The following EIF3A variants were observed in gnomAD, a reference collection of about 807,000 sequenced individuals.
EIF3A encodes the protein eukaryotic translation initiation factor 3 subunit A, also known as EIF3, p180 subunit.
EIF3A carries 21 observed loss-of-function variants against 186.6 expected under a neutral mutation model. The ratio of observed to expected loss-of-function variants is 0.11; its 90% CI spans 0.08 to 0.16. The LOEUF (loss-of-function observed/expected upper bound fraction) is 0.16, where lower values mean the gene tolerates loss of function less well. Among genes scored for constraint, EIF3A ranks in the 10% least tolerant of loss-of-function variants. The probability of loss-of-function intolerance (pLI) is 1.00; values close to 1 mark genes in which losing one functional copy is unlikely to be tolerated. For synonymous variants in EIF3A, 563 were observed against 584.3 expected (o/e 0.96, Z 0.52); for missense variants, 1,306 against 1,796.3 (o/e 0.73, Z 4.93).
intron 7 of EIF3A, 110 bp from the exon 8 acceptor site, chr10:119,061,438 C>CA (rs1843886735): frequency 1.9e-6 from 1 of 513,006 alleles, no homozygotes; most frequent in African/African-American, 2.0e-5. Context: ...TTTAAAAAAT[C>CA]ATCAAGCCTC....
intron 6 of EIF3A, among the ~76,000 whole-genome samples, chr10:119,068,280 T>G (rs1844012184): frequency 6.6e-6 from 1 of 152,230 alleles, no homozygotes; most frequent in Admixed American, 6.5e-5. Flanking sequence ...TGTTGGGTTA[T>G]AGACCCTTCC....
At chr10:119,052,282 A>G (rs925258641) in intron 14 of EIF3A, among the ~76,000 whole-genome samples, 4 of 152,154 alleles carry the variant, frequency 2.6e-5, no homozygotes, top group South Asian at 2.1e-4. Flanking sequence ...TTGCTCATCC[A>G]TAAGAAGCAA....
In EIF3A at chr10:119,073,711, A is replaced by G. The variant is rs188393429; in HGVS notation, c.240+36T>C. ...AGTTCTTCGGCAGATTACTAAAAAC[A>G]CTTGTTAAAAATATACAACCCAGTT... On this transcript the variant is annotated intron_variant, in intron 2 of 21. Coordinates refer to ENST00000369144, the MANE Select transcript of EIF3A (RefSeq NM_003750.4). The G allele has an allele frequency of 1.8e-5, 29 of 1,568,062 alleles. No individual in the cohort carries two copies. In the Admixed American group the frequency reaches 4.5e-4, roughly 25 times the overall value.
At chr10:119,067,003 A>C (rs1399489870) in intron 6 of EIF3A, among the ~76,000 whole-genome samples, 1 of 152,038 alleles carries the variant, frequency 6.6e-6, no homozygotes, top group Non-Finnish European at 1.5e-5. Context: ...ACCTGAGGTC[A>C]GGAGTTCAAG....
At chr10:119,060,699 G>A (rs1340906956) in intron 9 of EIF3A, 47 bp downstream of exon 9, 2 of 1,444,440 alleles carry the variant, frequency 1.4e-6, no homozygotes, top group East Asian at 2.3e-5. Flanking sequence ...TTAGTTTCAT[G>A]ATGAGCACAT....
In EIF3A at chr10:119,033,975, A is replaced by T. The variant is rs1365946527; in HGVS notation, c.*2064T>A. 6.0e-6 allele frequency: 1 copy of T among 167,098 alleles called. No homozygotes were observed. Among genetic ancestry groups the T allele is most frequent in the Non-Finnish European group, 1.5e-5 (1 of 68,120 alleles). 10.4% of individuals were successfully genotyped at this position (167,098 alleles called of 1,614,324 possible). A position where few individuals can be genotyped will look rare whatever the true frequency, so the allele number is the denominator to read the frequency against. On this transcript the variant is annotated 3_prime_UTR_variant, in exon 22 of 22. Transcript: ENST00000369144. ...TCACTATGGACAACTAATGAGATGC[A>T]AAGTCTTTTGGACCGATGATGTCTC...
intron 6 of EIF3A, 121 bp downstream of exon 6, chr10:119,069,325 T>C (rs1049336676): frequency 3.1e-6 from 2 of 638,772 alleles, no homozygotes; most frequent in Non-Finnish European, 5.6e-6. Context: ...GACTAAGAAT[T>C]ATCCAACCCA....
chr10:119,060,948 C>A, intron 8 of EIF3A, 104 bp from the exon 9 acceptor site: 1 of 755,484 alleles, frequency 1.3e-6, no homozygotes, highest in Non-Finnish European at 2.1e-6. Flanking sequence ...TCATCCAATG[C>A]AAAGAAATAC....
At chr10:119,067,230 G>A (rs1843995758) in intron 6 of EIF3A, among the ~76,000 whole-genome samples, 1 of 149,590 alleles carries the variant, frequency 6.7e-6, no homozygotes, top group East Asian at 2.0e-4. Context: ...AAAAAAAAAA[G>A]GATGTGAATT....
At chr10:119,079,349 C>T (rs1431268727) in intron 1 of EIF3A, among the ~76,000 whole-genome samples, 2 of 152,160 alleles carry the variant, frequency 1.3e-5, no homozygotes, top group Non-Finnish European at 2.9e-5. Context: ...AAGTATATGA[C>T]CAACATATCT....
In EIF3A at chr10:119,059,663, A is replaced by G; in HGVS notation, c.1382T>C (p.Phe461Ser). 1 of 1,614,178 alleles carries G rather than the reference A, an allele frequency of 6.2e-7. No homozygotes were observed. The highest frequency in any genetic ancestry group is 2.2e-5 in the East Asian group (1 of 44,890). The stretch of plus-strand genomic sequence containing the variant: ...CCGTTCCAGTTGGAAAGCATCAACA[A>G]AAGGAACCAAAGAAGTCAAACGAGA... The part of the protein sequence containing the change: ...EFSRLTSLVP[F>S]VDAFQLERAI... Residue 461 changes from phenylalanine (F) to serine (S), a missense_variant, in exon 10 of 22, where the codon TTT (phenylalanine) becomes TCT (serine). Around this residue, in one of 8 missense-constraint regions of EIF3A, gnomAD observed 267 missense variants for 367.8 expected, o/e 0.73. Coordinates refer to ENST00000369144, the MANE Select transcript of EIF3A (RefSeq NM_003750.4).
At position 119,040,442 on chromosome 10, in the gene EIF3A, G is replaced by C. The variant is rs1041251714; in HGVS notation, c.3526+1552C>G. Among the ~76,000 whole-genome samples the C allele has an allele frequency of 9.2e-5, 14 of 152,208 alleles. No homozygotes were observed. The East Asian group carries it at 2.7e-3, about 29-fold the overall frequency. On this transcript the variant is annotated intron_variant, in intron 19 of 21. Coordinates refer to ENST00000369144, the MANE Select transcript of EIF3A (RefSeq NM_003750.4). ...GAGAATCAGAGGGATGGGTGGGCGT[G>C]AACAAGTGCACGTGTATGTGATGGT...
At chr10:119,068,971 CA>C (rs59413780) in intron 6 of EIF3A, among the ~76,000 whole-genome samples, 55,846 of 98,552 alleles carry the variant, frequency 0.57, 13,289 homozygotes, top group Admixed American at 0.67. Flanking sequence ...CTCTGTCTTG[CA>C]AAAAAAAAAA....
chr10:119,039,701 C>A (rs1372983423), intron 19 of EIF3A, among the ~76,000 whole-genome samples: 1 of 151,836 alleles, frequency 6.6e-6, no homozygotes, highest in East Asian at 1.9e-4. Flanking sequence ...TTTAGTGGCC[C>A]CAAGCACAAG....
chr10:119,070,185 A>C (rs1427660311), intron 5 of EIF3A, among the ~76,000 whole-genome samples: 1 of 152,200 alleles, frequency 6.6e-6, no homozygotes, highest in Non-Finnish European at 1.5e-5. Context: ...TCAATCAAAT[A>C]TTGTCCGTCA....
intron 7 of EIF3A, among the ~76,000 whole-genome samples, chr10:119,063,339 C>T (rs1843920672): frequency 6.6e-6 from 1 of 152,160 alleles, no homozygotes; most frequent in African/African-American, 2.4e-5. Context: ...CAAAGTGAAT[C>T]TGCATTACTA....
At chr10:119,049,740 C>T (rs1848331359) in intron 17 of EIF3A, 61 bp downstream of exon 17, 4 of 1,463,870 alleles carry the variant, frequency 2.7e-6, no homozygotes, top group African/African-American at 1.4e-5. Flanking sequence ...CAAGACTGTG[C>T]CTCAACCAAA....
chr10:119,079,738 A>G (rs372596689), intron 1 of EIF3A, among the ~76,000 whole-genome samples: 10 of 152,272 alleles, frequency 6.6e-5, no homozygotes, highest in Admixed American at 4.6e-4. Context: ...ACATATAGAA[A>G]TAGAAATCGC....
At position 119,040,997 on chromosome 10, in the gene EIF3A, T is replaced by G. The variant is rs1589684738; in HGVS notation, c.3526+997A>C. 5.2e-5 allele frequency among the ~76,000 whole-genome samples: 5 copies of G among 96,284 alleles called. No individual in the cohort carries two copies. The South Asian group carries it at 2.0e-3, about 38-fold the overall frequency. 63.2% of individuals were successfully genotyped at this position (96,284 alleles called of 152,430 possible). A position where few individuals can be genotyped will look rare whatever the true frequency, so the allele number is the denominator to read the frequency against. On this transcript the variant is annotated intron_variant, in intron 19 of 21. Coordinates refer to ENST00000369144, the MANE Select transcript of EIF3A (RefSeq NM_003750.4). ...CTCCAGCCAGATGACAGAGCGAGAC[T>G]CCGTCTCCAAAAAAAAAAAAAAAAA...
Sources: gnomAD v4.1 joint callset for allele counts (sites outside exome capture counted in the v4.1 genomes callset) on GRCh38, gnomAD v4.1.1 for gene constraint, gnomAD v4.1.1 regional missense constraint, MANE v1.5 for transcripts, NCBI Gene and HGNC (gene_info 2026-07-23, HGNC 2026-07-21) for gene names.